POMT2: variants seen among roughly 807,000 people sequenced by gnomAD.
The protein encoded by POMT2 is protein O-mannosyltransferase 2.
Under a neutral mutation model 100.0 loss-of-function variants are expected in POMT2, and 75 were observed. That is an observed-to-expected ratio of 0.75 (90% CI 0.62 to 0.91). POMT2 has a LOEUF of 0.91. Ranked by LOEUF, POMT2 falls within the 40% of genes least tolerant of loss-of-function variation. The pLI, the probability that POMT2 is intolerant of heterozygous loss-of-function variation, is 0.00. For missense variants in POMT2, 940 were observed against 955.1 expected (o/e 0.98, Z 0.21); for synonymous variants, 378 against 374.1 (o/e 1.01, Z -0.12).
rs142649005 is a variant in POMT2 at position 77,283,759 on chromosome 14, C to T, written c.1653+38G>A. ...ATCCAAATTCATGGCTGCCCAAAAG[C>T]TCTTAGAGACGCCATGAAATGAGAA... is the stretch of plus-strand genomic sequence containing the variant. On this transcript the variant is annotated intron_variant, in intron 15 of 20. Transcript: ENST00000261534. The T allele has an allele frequency of 5.0e-3, 7,580 of 1,526,372 alleles. 38 individuals carry two copies. The highest frequency in any genetic ancestry group is 0.011 in the Middle Eastern group (65 of 5,882). 94.6% of individuals were successfully genotyped at this position (1,526,372 alleles called of 1,614,324 possible).
chr14:77,293,366 C>T (rs954182448), intron 9 of POMT2, among the ~76,000 whole-genome samples: 1 of 152,126 alleles, frequency 6.6e-6, no homozygotes, highest in African/African-American at 2.4e-5. Context: ...AGTCCATGGC[C>T]CCTTTTCCCA....
At chr14:77,293,959 C>G (rs1461152450) in intron 9 of POMT2, among the ~76,000 whole-genome samples, 1 of 152,126 alleles carries the variant, frequency 6.6e-6, no homozygotes, top group African/African-American at 2.4e-5. Flanking sequence ...TTTCTCTGCC[C>G]TGGGTGTACA....
intron 9 of POMT2, among the ~76,000 whole-genome samples, chr14:77,295,645 A>AG (rs1387712911): frequency 1.3e-5 from 2 of 151,476 alleles, no homozygotes; most frequent in African/African-American, 4.9e-5. Flanking sequence ...AAAAAAAAAA[A>AG]AAAAAAGAAG....
intron 1 of POMT2, among the ~76,000 whole-genome samples, chr14:77,313,011 CA>C (rs1275839859): frequency 1.3e-5 from 2 of 152,230 alleles, no homozygotes; most frequent in Non-Finnish European, 2.9e-5. Context: ...AACAGGCTTT[CA>C]AACACAATGC....
chr14:77,295,078 A>G (rs1241510065), intron 9 of POMT2, among the ~76,000 whole-genome samples: 1 of 152,160 alleles, frequency 6.6e-6, no homozygotes, highest in Non-Finnish European at 1.5e-5. Flanking sequence ...CCTAATGTCT[A>G]TGGAGCAAAG....
At chr14:77,278,636 C>T (rs1265610144) in intron 19 of POMT2, 93 bp downstream of exon 19, 16 of 1,554,784 alleles carry the variant, frequency 1.0e-5, no homozygotes, top group East Asian at 2.3e-5. Flanking sequence ...AGTGGCCTCC[C>T]GTCAAGGAGC....
chr14:77,277,845 G>A lies in POMT2; in HGVS notation c.2148-364C>T, dbSNP rs527604122. ...CACCAAGGCCAGGGACTGGGGAAGCGGGGAGCCTTCCAAACAACTCTCCCT... is the reference window on the plus strand; with the variant it reads ...CACCAAGGCCAGGGACTGGGGAAGCAGGGAGCCTTCCAAACAACTCTCCCT... On this transcript the variant is annotated intron_variant, in intron 20 of 20. Transcript: ENST00000261534. 5.3e-5 allele frequency among the ~76,000 whole-genome samples: 8 copies of A among 152,304 alleles called. 1 individual carries two copies. In the East Asian group the frequency reaches 7.7e-4, roughly 15 times the overall value.
intron 18 of POMT2, chr14:77,279,263 A>G: frequency 2.7e-6 from 1 of 376,714 alleles, no homozygotes; most frequent in Non-Finnish European, 5.1e-6. Flanking sequence ...GGTGTCTGGG[A>G]CTATGACTGT....
chr14:77,287,112 C>T (rs931525407), intron 11 of POMT2: 3 of 425,156 alleles, frequency 7.1e-6, no homozygotes, highest in Non-Finnish European at 1.3e-5. Flanking sequence ...GCGACTTTCA[C>T]ACATTTAGTA....
rs757116387 is a variant in POMT2 at position 77,279,831 on chromosome 14, T to C, written c.1883A>G (p.Glu628Gly). 5.0e-6 allele frequency: 8 copies of C among 1,613,200 alleles called. No homozygotes were observed. The highest frequency in any genetic ancestry group is 6.8e-6 in the Non-Finnish European group (8 of 1,179,828). Residue 628 changes from glutamate to glycine, a missense_variant, in exon 18 of 21, where the codon GAG (glutamate) becomes GGG (glycine). Physicochemically the swap from Glu to Gly is moderately conservative, Grantham distance 98. Coordinates refer to ENST00000261534, the MANE Select transcript of POMT2 (RefSeq NM_013382.7). Reference sequence around the variant, plus strand: ...AGCCCAGAGGACCTGACCTGCAACCTCCGCTGGCAGCCGTGCCCCTCTCTG... The same window carrying C: ...AGCCCAGAGGACCTGACCTGCAACCCCCGCTGGCAGCCGTGCCCCTCTCTG... ...AMQRGARLPA[E>G]VAGLSQVLLR...
In POMT2 at chr14:77,302,715, C is replaced by T. The variant is rs569916912; in HGVS notation, c.656+120G>A. 280 of 768,550 alleles carry T rather than the reference C, an allele frequency of 3.6e-4. 1 individual carries two copies. Among genetic ancestry groups the T allele is most frequent in the Non-Finnish European group, 5.4e-4 (241 of 446,524 alleles). 47.6% of individuals were successfully genotyped at this position (768,550 alleles called of 1,614,324 possible). ...GTTAAAAAAACAAACAAAAAGTATG[C>T]TTGCCTTAAAATCAGCTTCAAGACA... On this transcript the variant is annotated intron_variant, in intron 5 of 20. Coordinates refer to ENST00000261534, the MANE Select transcript of POMT2 (RefSeq NM_013382.7).
At chr14:77,300,937 CCTG>C in intron 6 of POMT2, 150 bp downstream of exon 6, 1 of 1,420,046 alleles carries the variant, frequency 7.0e-7, no homozygotes, top group South Asian at 1.2e-5. Context: ...TCCCTGATGT[CCTG>C]CTGTCTGCGG....
chr14:77,285,869 G>A (rs961043402), intron 12 of POMT2, among the ~76,000 whole-genome samples: 4 of 152,160 alleles, frequency 2.6e-5, no homozygotes, highest in African/African-American at 7.2e-5. Context: ...CCTGGAACCA[G>A]AAGTCCAGGA....
chr14:77,283,680 C>G, intron 15 of POMT2, 117 bp downstream of exon 15: 1 of 931,920 alleles, frequency 1.1e-6, no homozygotes, highest in Admixed American at 1.7e-5. Flanking sequence ...AGTAAAGATG[C>G]TTTCAAATTC....
In POMT2 at chr14:77,296,183, A is replaced by C; in HGVS notation, c.1097T>G (p.Ile366Ser). The stretch of plus-strand genomic sequence containing the variant: ...ACTGACCTGCTGCTGACGGGCACCA[A>C]TGCCCTCGGGGTAGAGGTGCCTGTG... Reference protein sequence around the residue: ...HSHRHLYPEGIGARQQQVTTY... With the variant: ...HSHRHLYPEGSGARQQQVTTY... The change falls in exon 9 of 21, where the codon ATT becomes AGT. Residue 366 changes from isoleucine to serine, a missense_variant. Transcript: ENST00000261534. The C allele has an allele frequency of 6.2e-7, 1 of 1,605,670 alleles. No individual in the cohort carries two copies. Among genetic ancestry groups the C allele is most frequent in the Non-Finnish European group, 8.5e-7 (1 of 1,176,636 alleles).
intron 8 of POMT2, among the ~76,000 whole-genome samples, chr14:77,298,417 A>G (rs1890906571): frequency 1.3e-5 from 2 of 152,188 alleles, no homozygotes; most frequent in Non-Finnish European, 1.5e-5. Flanking sequence ...TGCTGTCACC[A>G]TATTCTCTCT....
chr14:77,313,423 C>T lies in POMT2; in HGVS notation c.249-1390G>A, dbSNP rs542838306. Among the ~76,000 whole-genome samples, 4 of 152,346 alleles carry T rather than the reference C, an allele frequency of 2.6e-5. No homozygotes were observed. In the South Asian group the frequency reaches 8.3e-4, roughly 32 times the overall value. The stretch of plus-strand genomic sequence containing the variant: ...CAGAAAGAGAGATCCAGTCCCAGCT[C>T]CACCACTAATTAATGGCACAACCCG... On this transcript the variant is annotated intron_variant, in intron 1 of 20. Coordinates refer to ENST00000261534, the MANE Select transcript of POMT2 (RefSeq NM_013382.7).
chr14:77,308,655 C>A, intron 2 of POMT2: 1 of 376,530 alleles, frequency 2.7e-6, no homozygotes, highest in South Asian at 1.9e-5. Flanking sequence ...CGCGCCCGGC[C>A]AACAAAGTTT....
intron 2 of POMT2, among the ~76,000 whole-genome samples, chr14:77,308,106 C>T (rs1594801634): frequency 6.6e-6 from 1 of 151,184 alleles, no homozygotes; most frequent in African/African-American, 2.4e-5. Context: ...ATGATCCACC[C>T]GCCTCAGCCT....
Sources: gnomAD v4.1 joint callset for allele counts (sites outside exome capture counted in the v4.1 genomes callset) on GRCh38, gnomAD v4.1.1 for gene constraint, MANE v1.5 for transcripts, NCBI Gene and HGNC (gene_info 2026-07-23, HGNC 2026-07-21) for gene names.